Variants in SH3D19 observed in about 807,000 individuals in gnomAD.
The protein encoded by SH3D19 is SH3 domain-containing protein 19.
In SH3D19, 58 loss-of-function variants were observed where a neutral mutation model predicts 112.1. The ratio of observed to expected loss-of-function variants is 0.52; its 90% CI spans 0.42 to 0.64. The LOEUF is 0.64. Ranked by LOEUF, SH3D19 falls within the 30% of genes least tolerant of loss-of-function variation. SH3D19 has a pLI of 0.00. For synonymous variants in SH3D19, 391 were observed against 448.5 expected, an observed-to-expected ratio of 0.87 and a Z score of 1.62; for missense variants, 1,090 against 1,263.4, an observed-to-expected ratio of 0.86 and a Z score of 2.08.
intron 9 of SH3D19, among the ~76,000 whole-genome samples, chr4:151,155,818 G>A (rs1320622719): frequency 6.6e-6 from 1 of 152,170 alleles, no homozygotes; most frequent in Non-Finnish European, 1.5e-5. Context: ...GAACCCAGGA[G>A]GTAGAGGTTG....
chr4:151,128,047 T>C (rs560923975), intron 18 of SH3D19, 123 bp downstream of exon 18: 1 of 705,826 alleles, frequency 1.4e-6, no homozygotes. Flanking sequence ...TAACTTCATG[T>C]ATCAGCTCTT....
intron 1 of SH3D19, among the ~76,000 whole-genome samples, chr4:151,268,390 A>G (rs1772972779): frequency 6.6e-6 from 1 of 152,152 alleles, no homozygotes; most frequent in South Asian, 2.1e-4. Flanking sequence ...ACATGATAGT[A>G]CACTACTGTA....
At chr4:151,231,444 A>C (rs1696771726) in intron 1 of SH3D19, among the ~76,000 whole-genome samples, 1 of 152,214 alleles carries the variant, frequency 6.6e-6, no homozygotes, top group African/African-American at 2.4e-5. Context: ...ACACCAACTA[A>C]TATGAATCCA....
At chr4:151,221,380 T>C (rs1209148341) in intron 2 of SH3D19, among the ~76,000 whole-genome samples, 1 of 152,264 alleles carries the variant, frequency 6.6e-6, no homozygotes, top group Non-Finnish European at 1.5e-5. Context: ...ATTAATCTGC[T>C]TGATGCACTG....
chr4:151,210,252 T>A (rs1392842538), intron 2 of SH3D19, among the ~76,000 whole-genome samples: 1 of 152,182 alleles, frequency 6.6e-6, no homozygotes. Context: ...TACAGGATTA[T>A]TTACAATAGT....
intron 8 of SH3D19, among the ~76,000 whole-genome samples, chr4:151,160,152 T>C (rs779175852): frequency 6.6e-6 from 1 of 150,776 alleles, no homozygotes; most frequent in African/African-American, 2.4e-5. Context: ...AGTGGTGCAA[T>C]CTCGGCTCAC....
At chr4:151,134,277 A>T (rs1751355143) in intron 15 of SH3D19, among the ~76,000 whole-genome samples, 1 of 152,236 alleles carries the variant, frequency 6.6e-6, no homozygotes, top group African/African-American at 2.4e-5. Context: ...TACAGTCTTC[A>T]GCAGGTAATG....
At chr4:151,179,420 G>A in intron 3 of SH3D19, 23 bp from the exon 4 acceptor site, 1 of 1,221,180 alleles carries the variant, frequency 8.2e-7, no homozygotes. Context: ...GAATAAACTG[G>A]TATAGTACAA....
At chr4:151,202,241 A>G (rs951051890) in intron 2 of SH3D19, among the ~76,000 whole-genome samples, 1 of 152,194 alleles carries the variant, frequency 6.6e-6, no homozygotes, top group African/African-American at 2.4e-5. Context: ...AAGCTGAGGC[A>G]GGAGAATCGC....
chr4:151,193,192 T>C (rs765229462), intron 2 of SH3D19, among the ~76,000 whole-genome samples: 2 of 152,204 alleles, frequency 1.3e-5, no homozygotes, highest in African/African-American at 2.4e-5. Context: ...TTTTGTTTAG[T>C]TGGACTCAGT....
At chr4:151,126,660 A>T (rs754822204) in intron 19 of SH3D19, among the ~76,000 whole-genome samples, 25 of 151,354 alleles carry the variant, frequency 1.7e-4, no homozygotes, top group Middle Eastern at 3.4e-3. Flanking sequence ...TTAGCTGGGC[A>T]TGGTGGCGGG....
In SH3D19 at chr4:151,181,427, C is replaced by CA. The variant is rs573741456; in HGVS notation, c.194-2031dup. On this transcript the variant is annotated intron_variant, in intron 3 of 19. Transcript: ENST00000604030. ...AAAGCAAACCTCTAAGATCTGAAAC[C>CA]AAACCCCTGGGTTTCTACTTGGAGG... Among the ~76,000 whole-genome samples, 519 of 152,224 alleles carry CA rather than the reference C, an allele frequency of 3.4e-3. 5 individuals carry two copies. Among genetic ancestry groups the CA allele is most frequent in the African/African-American group, 0.012 (486 of 41,538 alleles).
intron 1 of SH3D19, among the ~76,000 whole-genome samples, chr4:151,233,145 C>G (rs1030952836): frequency 2.0e-5 from 3 of 151,788 alleles, no homozygotes; most frequent in Non-Finnish European, 4.4e-5. Context: ...TGATCTGTCA[C>G]TGTCTCCCAT....
rs541869037 is a variant in SH3D19, at chr4:151,145,280, T to C, written c.2083-1230A>G. Among the ~76,000 whole-genome samples the C allele has an allele frequency of 2.0e-5, 3 of 152,354 alleles. No individual in the cohort carries two copies. In the East Asian group the frequency reaches 5.8e-4, roughly 29 times the overall value. On this transcript the variant is annotated intron_variant, in intron 11 of 19. Transcript: ENST00000604030. Reference sequence around the variant, plus strand: ...ACTATGCTAAGAACTGTCAGGCCTCTGAGCCCAAGCTAAGCCACTGTGACC... The same window carrying C: ...ACTATGCTAAGAACTGTCAGGCCTCCGAGCCCAAGCTAAGCCACTGTGACC...
intron 2 of SH3D19, among the ~76,000 whole-genome samples, chr4:151,198,003 CTT>C (rs1467147993): frequency 6.6e-6 from 1 of 151,950 alleles, no homozygotes; most frequent in Non-Finnish European, 1.5e-5. Context: ...CATCAGATAA[CTT>C]TAAAAAATGT....
rs180750236 is a variant in SH3D19 at position 151,205,478 on chromosome 4, G to A, written c.153-18015C>T. ...CGTGAACTGTGTGAGGAGTCTGGGG[G>A]TCTGACAAGCCCAATTTCAGCTCTG... is the stretch of plus-strand genomic sequence containing the variant. On this transcript the variant is annotated intron_variant, in intron 2 of 19. Coordinates refer to ENST00000604030, the MANE Select transcript of SH3D19 (RefSeq NM_001378122.1). 3.4e-3 allele frequency among the ~76,000 whole-genome samples: 524 copies of A among 152,270 alleles called. 5 individuals carry two copies. Among genetic ancestry groups the A allele is most frequent in the African/African-American group, 0.012 (491 of 41,560 alleles).
intron 1 of SH3D19, among the ~76,000 whole-genome samples, chr4:151,296,760 T>C (rs969778944): frequency 4.6e-5 from 7 of 152,216 alleles, no homozygotes; most frequent in African/African-American, 1.7e-4. Context: ...TTTTAACAAA[T>C]AAAGGTTGCT....
chr4:151,318,300 CAAAAAAA>C (rs752720803), intron 1 of SH3D19, among the ~76,000 whole-genome samples: 5 of 54,482 alleles, frequency 9.2e-5, no homozygotes, highest in Non-Finnish European at 1.5e-4. Context: ...GACTCTGACT[CAAAAAAA>C]AAAAAAAAAA....
chr4:151,290,856 CATT>C (rs1260098922), intron 1 of SH3D19, among the ~76,000 whole-genome samples: 1 of 152,172 alleles, frequency 6.6e-6, no homozygotes, highest in Non-Finnish European at 1.5e-5. Context: ...AAAATCATCT[CATT>C]AGTTTTATTT....
Sources: gnomAD v4.1 joint callset for allele counts (sites outside exome capture counted in the v4.1 genomes callset) on GRCh38, gnomAD v4.1.1 for gene constraint, MANE v1.5 for transcripts, NCBI Gene and HGNC (gene_info 2026-07-23, HGNC 2026-07-21) for gene names.